ABL2: variants seen among roughly 807,000 people sequenced by gnomAD.
ABL2 encodes the protein tyrosine-protein kinase ABL2.
In ABL2, 49 loss-of-function variants were observed where a neutral mutation model predicts 107.7. The ratio of observed to expected loss-of-function variants is 0.45; its 90% confidence interval spans 0.36 to 0.58. The LOEUF (loss-of-function observed/expected upper bound fraction) is 0.58, where lower values mean the gene tolerates loss of function less well. Among genes scored for constraint, ABL2 ranks in the 20% least tolerant of loss-of-function variants. The pLI, the probability that ABL2 is intolerant of heterozygous loss-of-function variation, is 0.00. For missense variants in ABL2, 1,245 were observed against 1,457.0 expected (o/e 0.85, Z 2.37); for synonymous variants, 549 against 548.6 (o/e 1.00, Z -0.01).
intron 1 of ABL2, among the ~76,000 whole-genome samples, chr1:179,162,664 C>T (rs1043598231): frequency 1.3e-4 from 20 of 152,162 alleles, no homozygotes; most frequent in African/African-American, 4.8e-4. Context: ...TCTTTTCTCA[C>T]AGATATTCTT....
At chr1:179,125,968 C>T (rs935395880) in intron 4 of ABL2, among the ~76,000 whole-genome samples, 6 of 152,226 alleles carry the variant, frequency 3.9e-5, no homozygotes, top group African/African-American at 9.6e-5. Context: ...CATTAATGAT[C>T]GACACCAAGC....
intron 1 of ABL2, among the ~76,000 whole-genome samples, chr1:179,225,253 T>C (rs556685816): frequency 6.6e-6 from 1 of 152,346 alleles, no homozygotes; most frequent in East Asian, 1.9e-4. Context: ...TCCTGGACTC[T>C]GATAAACCAT....
At chr1:179,119,227 A>C (rs1189058798) in intron 6 of ABL2, among the ~76,000 whole-genome samples, 1 of 152,184 alleles carries the variant, frequency 6.6e-6, no homozygotes, top group Non-Finnish European at 1.5e-5. Flanking sequence ...TTTCACTGAT[A>C]TATGGCAGAT....
At chr1:179,119,419 G>A (rs1396627490) in intron 6 of ABL2, among the ~76,000 whole-genome samples, 2 of 151,880 alleles carry the variant, frequency 1.3e-5, no homozygotes, top group Admixed American at 1.3e-4. Context: ...GTTGAGGCAC[G>A]AGAATAGCTT....
intron 1 of ABL2, among the ~76,000 whole-genome samples, chr1:179,141,998 T>C (rs919446611): frequency 2.0e-5 from 3 of 152,226 alleles, no homozygotes; most frequent in Non-Finnish European, 4.4e-5. Flanking sequence ...CCAGTAGCTA[T>C]AGTCTATGTC....
At chr1:179,112,833 C>A (rs766741782) in intron 9 of ABL2, among the ~76,000 whole-genome samples, 1 of 152,006 alleles carries the variant, frequency 6.6e-6, no homozygotes, top group Non-Finnish European at 1.5e-5. Flanking sequence ...CGGTTCACTG[C>A]AACCTCTGCC....
At chr1:179,147,038 C>T (rs1482293020) in intron 1 of ABL2, among the ~76,000 whole-genome samples, 2 of 150,906 alleles carry the variant, frequency 1.3e-5, no homozygotes, top group Non-Finnish European at 2.9e-5. Context: ...CTCCAGCCCA[C>T]ATGACAGAGC....
At chr1:179,202,193 C>G (rs1661713686) in intron 1 of ABL2, among the ~76,000 whole-genome samples, 1 of 151,872 alleles carries the variant, frequency 6.6e-6, no homozygotes, top group Admixed American at 6.6e-5. Context: ...GAATTGGTAA[C>G]TATTAATACT....
chr1:179,136,714 A>AATC (rs1557944693), intron 1 of ABL2, among the ~76,000 whole-genome samples: 1 of 129,398 alleles, frequency 7.7e-6, no homozygotes, highest in African/African-American at 3.2e-5. Context: ...AATAAAAAAT[A>AATC]AATAAATAAA....
intron 1 of ABL2, among the ~76,000 whole-genome samples, chr1:179,194,615 G>C (rs376506724): frequency 6.5e-4 from 99 of 152,222 alleles, no homozygotes; most frequent in African/African-American, 2.2e-3. Flanking sequence ...ATCCACTGAA[G>C]AATACAAGGG....
chr1:179,111,076 G>A (rs141886594), intron 10 of ABL2, among the ~76,000 whole-genome samples: 4 of 140,586 alleles, frequency 2.8e-5, no homozygotes, highest in Admixed American at 7.7e-5. Flanking sequence ...CTCTGCCTCC[G>A]ATGTTCAAAC....
chr1:179,141,470 G>T (rs1283213936), intron 1 of ABL2, among the ~76,000 whole-genome samples: 1 of 152,102 alleles, frequency 6.6e-6, no homozygotes, highest in African/African-American at 2.4e-5. Context: ...AACAGAATGA[G>T]ATCTACAGCA....
intron 1 of ABL2, among the ~76,000 whole-genome samples, chr1:179,210,628 G>C (rs1008740389): frequency 6.6e-6 from 1 of 151,500 alleles, no homozygotes; most frequent in Non-Finnish European, 1.5e-5. Context: ...CGAGGTGGGC[G>C]CATCACGAGG....
intron 1 of ABL2, among the ~76,000 whole-genome samples, chr1:179,204,873 C>G (rs1661867021): frequency 6.6e-6 from 1 of 152,146 alleles, no homozygotes; most frequent in Admixed American, 6.6e-5. Flanking sequence ...TTAATAGACT[C>G]TGTACATCGG....
chr1:179,109,501 GT>G, intron 11 of ABL2, 60 bp from the exon 12 acceptor site: 1 of 1,538,204 alleles, frequency 6.5e-7, no homozygotes. Context: ...TTACATTTGA[GT>G]TACCGAGGCT....
chr1:179,171,653 G>T (rs1365136073), intron 1 of ABL2, among the ~76,000 whole-genome samples: 1 of 152,112 alleles, frequency 6.6e-6, no homozygotes, highest in African/African-American at 2.4e-5. Flanking sequence ...CTCCCAAGTA[G>T]TTGGGACTAT....
intron 1 of ABL2, among the ~76,000 whole-genome samples, chr1:179,167,989 AAAC>A (rs958533932): frequency 6.6e-5 from 10 of 152,318 alleles, no homozygotes; most frequent in African/African-American, 1.7e-4. Context: ...AAAAACAAAC[AAAC>A]AACAACAACA....
chr1:179,224,430 C>A (rs1285964776), intron 1 of ABL2, among the ~76,000 whole-genome samples: 2 of 151,830 alleles, frequency 1.3e-5, no homozygotes, highest in African/African-American at 4.8e-5. Flanking sequence ...CCACACCTGG[C>A]TAATTTTTGT....
chr1:179,154,043 C>T lies in ABL2; in HGVS notation c.158-20669G>A, dbSNP rs184303025. ...TCCCTAATTCACTCTATGAGTATAT[C>T]CTATGAATCATACCTCTTAAATATC... is the stretch of plus-strand genomic sequence containing the variant. On this transcript the variant is annotated intron_variant, in intron 1 of 11. Transcript: ENST00000502732. Among the ~76,000 whole-genome samples, 793 of 152,216 alleles carry T rather than the reference C, an allele frequency of 5.2e-3. 4 individuals carry two copies. Among genetic ancestry groups the T allele is most frequent in the Non-Finnish European group, 6.1e-3 (412 of 68,002 alleles).
Sources: gnomAD v4.1 joint callset for allele counts (sites outside exome capture counted in the v4.1 genomes callset) on GRCh38, gnomAD v4.1.1 for gene constraint, MANE v1.5 for transcripts, NCBI Gene and HGNC (gene_info 2026-07-23, HGNC 2026-07-21) for gene names.